The following SLIT3 variants were observed in gnomAD, a reference collection of about 807,000 sequenced individuals.
SLIT3 encodes slit homolog 3 protein.
A neutral mutation model predicts 184.0 loss-of-function variants in SLIT3; 68 were observed. The ratio of observed to expected loss-of-function variants is 0.37; its 90% CI spans 0.30 to 0.45. The LOEUF (loss-of-function observed/expected upper bound fraction) is 0.45. Ranked by LOEUF, SLIT3 falls within the 20% of genes least tolerant of loss-of-function variation. The pLI is 1.00. For missense variants in SLIT3, 1,707 were observed against 2,026.0 expected, an observed-to-expected ratio of 0.84 and a Z score of 3.02; for synonymous variants, 831 against 828.6, an observed-to-expected ratio of 1.00 and a Z score of -0.05.
intron 4 of SLIT3, among the ~76,000 whole-genome samples, chr5:169,040,463 T>G (rs759616689): frequency 3.9e-5 from 6 of 152,244 alleles, no homozygotes; most frequent in Non-Finnish European, 8.8e-5. Flanking sequence ...CAGTCTTGCA[T>G]ATTTAGAGAT....
intron 28 of SLIT3, among the ~76,000 whole-genome samples, chr5:168,693,257 G>C (rs1019654098): frequency 6.6e-6 from 1 of 152,206 alleles, no homozygotes; most frequent in Non-Finnish European, 1.5e-5. Context: ...CCTCCCCCAG[G>C]AGGTCAGAGG....
chr5:168,759,911 C>T (rs1293945087), intron 16 of SLIT3, among the ~76,000 whole-genome samples: 1 of 152,092 alleles, frequency 6.6e-6, no homozygotes, highest in Non-Finnish European at 1.5e-5. Flanking sequence ...CCAAAGAGTG[C>T]CCCCCTGGGG....
chr5:168,989,445 G>C (rs995774661), intron 4 of SLIT3, among the ~76,000 whole-genome samples: 1 of 152,212 alleles, frequency 6.6e-6, no homozygotes, highest in Non-Finnish European at 1.5e-5. Flanking sequence ...CAAACTTTCA[G>C]GTGGGATTTG....
chr5:168,766,196 G>C (rs998501836), intron 14 of SLIT3, among the ~76,000 whole-genome samples: 1 of 152,190 alleles, frequency 6.6e-6, no homozygotes, highest in African/African-American at 2.4e-5. Context: ...TAAATTCATT[G>C]TTATCTGATC....
At chr5:169,179,996 A>C (rs11134562) in intron 4 of SLIT3, among the ~76,000 whole-genome samples, 16,851 of 152,120 alleles carry the variant, frequency 0.11, 1,884 homozygotes, top group African/African-American at 0.27. Flanking sequence ...ACAAACAAGT[A>C]AACAAATAAA....
intron 27 of SLIT3, among the ~76,000 whole-genome samples, chr5:168,698,866 A>G (rs1289822734): frequency 1.3e-5 from 2 of 152,204 alleles, no homozygotes; most frequent in Non-Finnish European, 2.9e-5. Context: ...TTAAGTTCTA[A>G]AAATATTTTC....
chr5:169,193,202 G>A (rs1195495610), intron 4 of SLIT3, among the ~76,000 whole-genome samples: 1 of 152,152 alleles, frequency 6.6e-6, no homozygotes, highest in African/African-American at 2.4e-5. Flanking sequence ...ACAATCCATG[G>A]AAGCATCGCC....
At position 169,077,082 on chromosome 5, in the gene SLIT3, G is replaced by C. The variant is rs79750434; in HGVS notation, c.413+116397C>G. Among the ~76,000 whole-genome samples the C allele has an allele frequency of 8.5e-3, 1,287 of 152,260 alleles. 15 individuals are homozygous for C. Among genetic ancestry groups the C allele is most frequent in the African/African-American group, 0.029 (1,223 of 41,538 alleles). On this transcript the variant is annotated intron_variant, in intron 4 of 35. Coordinates refer to ENST00000519560, the MANE Select transcript of SLIT3 (RefSeq NM_003062.4). ...TGCTTCTGTCCCCCTGAGACAGCAA[G>C]AACAAACTCTCCTCTTCTTCCTCCT...
At chr5:168,823,942 C>T (rs75271642) in intron 6 of SLIT3, among the ~76,000 whole-genome samples, 1 of 152,128 alleles carries the variant, frequency 6.6e-6, no homozygotes, top group Non-Finnish European at 1.5e-5. Flanking sequence ...CTGACTCTTT[C>T]AGCACATCTA....
At chr5:168,757,898 T>C (rs1755006538) in intron 16 of SLIT3, among the ~76,000 whole-genome samples, 1 of 152,220 alleles carries the variant, frequency 6.6e-6, no homozygotes, top group Non-Finnish European at 1.5e-5. Flanking sequence ...GGTGGATTTA[T>C]TTCTATTATG....
Position 168,822,185 on chromosome 5 carries a change from T to C in SLIT3, c.629+1075A>G, listed in dbSNP as rs372762046. On this transcript the variant is annotated intron_variant, in intron 7 of 35. Coordinates refer to ENST00000519560, the MANE Select transcript of SLIT3 (RefSeq NM_003062.4). ...AAGGATTTCCAAATCTCATGGATTG[T>C]ACAGGCAGCACAGATCAGATGGCTG... Among the ~76,000 whole-genome samples the C allele has an allele frequency of 7.2e-5, 11 of 152,302 alleles. No homozygotes were observed. The East Asian group carries it at 1.7e-3, about 24-fold the overall frequency.
At chr5:169,196,150 T>C (rs1283843386) in intron 3 of SLIT3, among the ~76,000 whole-genome samples, 1 of 123,006 alleles carries the variant, frequency 8.1e-6, no homozygotes, top group African/African-American at 3.0e-5. Flanking sequence ...TGTGTTCCCA[T>C]CACTAAAGTA....
chr5:169,057,944 T>C (rs189924509), intron 4 of SLIT3, among the ~76,000 whole-genome samples: 15 of 152,330 alleles, frequency 9.8e-5, no homozygotes, highest in Non-Finnish European at 1.9e-4. Flanking sequence ...TTTTGGCTGA[T>C]AGAGGCTTAA....
intron 5 of SLIT3, among the ~76,000 whole-genome samples, chr5:168,867,209 A>G (rs972923975): frequency 2.6e-5 from 4 of 152,230 alleles, no homozygotes; most frequent in East Asian, 1.9e-4. Context: ...CGTGGCTACA[A>G]TGAAACCATG....
At chr5:168,785,725 C>T (rs1397321444) in intron 12 of SLIT3, among the ~76,000 whole-genome samples, 182 bp downstream of exon 12, 1 of 152,230 alleles carries the variant, frequency 6.6e-6, no homozygotes, top group Non-Finnish European at 1.5e-5. Flanking sequence ...CTTCCTCTGC[C>T]CGCTCGCTGA....
intron 4 of SLIT3, among the ~76,000 whole-genome samples, chr5:168,952,368 C>T (rs1004479267): frequency 2.6e-5 from 4 of 152,036 alleles, no homozygotes; most frequent in African/African-American, 9.7e-5. Flanking sequence ...ATTACTGGAG[C>T]TCAGCTCACG....
At chr5:168,722,838 G>T in intron 22 of SLIT3, 95 bp downstream of exon 22, 1 of 933,942 alleles carries the variant, frequency 1.1e-6, no homozygotes, top group Non-Finnish European at 1.8e-6. Context: ...GGGTCATTAG[G>T]GCAGAGAAAC....
intron 4 of SLIT3, among the ~76,000 whole-genome samples, chr5:168,944,603 G>T (rs181045044): frequency 5.3e-5 from 8 of 152,136 alleles, no homozygotes; most frequent in East Asian, 1.9e-4. Context: ...CCTCTTTTGG[G>T]GTAGTAGGCC....
rs1406318214 is a variant in SLIT3 at position 168,669,898 on chromosome 5, G to A, written c.4221C>T (p.Asp1407=). Residue 1407 remains aspartate (D), a synonymous_variant, in exon 35 of 36, where the codon GAC becomes GAT. Transcript: ENST00000519560. ...TGAAGGCTGAGCAGGCATTGGCAGAGTCATTCTTGTTGTCACACAAGTCCC... is the reference window on the plus strand; with the variant it reads ...TGAAGGCTGAGCAGGCATTGGCAGAATCATTCTTGTTGTCACACAAGTCCC... The part of the protein sequence containing the change: ...YGGDLCDNKN[D]SANACSAFKC... 6.2e-7 allele frequency: 1 copy of A among 1,614,204 alleles called. No individual in the cohort carries two copies. The highest frequency in any genetic ancestry group is 8.5e-7 in the Non-Finnish European group (1 of 1,180,012).
Sources: allele counts gnomAD v4.1 joint callset (sites outside exome capture counted in the v4.1 genomes callset), GRCh38; gene constraint gnomAD v4.1.1; transcripts MANE v1.5; gene names NCBI Gene and HGNC (gene_info 2026-07-23, HGNC 2026-07-21).